Variants in HESX1 observed in about 807,000 individuals in gnomAD.
The protein encoded by HESX1 is homeobox expressed in ES cells 1.
In HESX1, 11 loss-of-function variants were observed where a neutral mutation model predicts 22.5. The ratio of observed to expected loss-of-function variants is 0.49; its 90% confidence interval spans 0.31 to 0.81. The LOEUF (loss-of-function observed/expected upper bound fraction) is 0.81, where lower values mean the gene tolerates loss of function less well. HESX1 is among the 30% of genes least tolerant of loss of function. The pLI is 0.05. For synonymous variants in HESX1, 74 were observed against 76.5 expected (o/e 0.97, Z 0.17); for missense variants, 201 against 212.6 (o/e 0.95, Z 0.34).
chr3:57,203,679 C>T (rs534612219), upstream of HESX1, among the ~76,000 whole-genome samples: 42 of 152,180 alleles, frequency 2.8e-4, no homozygotes, highest in Middle Eastern at 0.02. Flanking sequence ...TTCAGCCTCC[C>T]GAGTAGCTGG....
chr3:57,202,968 G>A (rs1236669266), upstream of HESX1, among the ~76,000 whole-genome samples: 1 of 152,166 alleles, frequency 6.6e-6, no homozygotes, highest in Non-Finnish European at 1.5e-5. Context: ...GAGGAAGAAG[G>A]CAGTAGTTGG....
At chr3:57,214,493 A>T (rs750096677) in intron 1 of HESX1, among the ~76,000 whole-genome samples, 7 of 152,234 alleles carry the variant, frequency 4.6e-5, no homozygotes, top group Non-Finnish European at 8.8e-5. Flanking sequence ...TCTAAATTCC[A>T]GCTCTTCTTA....
intron 1 of HESX1, among the ~76,000 whole-genome samples, chr3:57,215,790 A>AAAC (rs2060579824): frequency 6.6e-6 from 1 of 152,124 alleles, no homozygotes; most frequent in South Asian, 2.1e-4. Flanking sequence ...ACAAACAAAC[A>AAAC]AAAAAACCAC....
chr3:57,216,706 CATT>C (rs1241319643), intron 1 of HESX1, among the ~76,000 whole-genome samples: 1 of 152,164 alleles, frequency 6.6e-6, no homozygotes, highest in Non-Finnish European at 1.5e-5. Context: ...GCTGTGTTCT[CATT>C]ATTTCCAATC....
intron 1 of HESX1, among the ~76,000 whole-genome samples, chr3:57,224,470 G>A (rs191600138): frequency 1.1e-3 from 165 of 152,116 alleles, no homozygotes; most frequent in African/African-American, 3.9e-3. Flanking sequence ...AATACAAAGT[G>A]ATTTAGGAAA....
At position 57,198,149 on chromosome 3, in the gene HESX1, C is replaced by A. The variant is rs372550682; in HGVS notation, c.*48G>T. ...TTAACACTTAATATTTCCACTGATTCTTCATGCTCTGCAATTAGAAGATAA... is the reference window on the plus strand; with the variant it reads ...TTAACACTTAATATTTCCACTGATTATTCATGCTCTGCAATTAGAAGATAA... On this transcript the variant is annotated 3_prime_UTR_variant, in exon 4 of 4. Transcript: ENST00000295934. 8.8e-7 allele frequency: 1 copy of A among 1,139,388 alleles called. No homozygotes were observed. The highest frequency in any genetic ancestry group is 1.3e-6 in the Non-Finnish European group (1 of 750,636). 70.6% of individuals were successfully genotyped at this position (1,139,388 alleles called of 1,614,324 possible).
At chr3:57,213,214 A>G (rs1273017045) in intron 1 of HESX1, among the ~76,000 whole-genome samples, 3 of 152,200 alleles carry the variant, frequency 2.0e-5, no homozygotes, top group Non-Finnish European at 4.4e-5. Flanking sequence ...TTTGGCAATG[A>G]ACATCCTCTA....
At chr3:57,200,681 CAT>C (rs1176492008), upstream of HESX1, among the ~76,000 whole-genome samples, 1 of 152,254 alleles carries the variant, frequency 6.6e-6, no homozygotes, top group Non-Finnish European at 1.5e-5. Context: ...GAGAGAGATA[CAT>C]GTTTATATGA....
At chr3:57,227,465 C>A (rs565124633), upstream of HESX1, among the ~76,000 whole-genome samples, 1 of 152,232 alleles carries the variant, frequency 6.6e-6, no homozygotes, top group Non-Finnish European at 1.5e-5. Flanking sequence ...CCCCGTGTGG[C>A]CCTAACTCGA....
At chr3:57,202,121 G>A (rs1281791810), upstream of HESX1, among the ~76,000 whole-genome samples, 10 of 151,638 alleles carry the variant, frequency 6.6e-5, no homozygotes, top group Admixed American at 5.3e-4. Context: ...AAGTTTCACC[G>A]TGTTAGCCAG....
At chr3:57,218,946 C>T (rs2060599612) in intron 1 of HESX1, among the ~76,000 whole-genome samples, 1 of 152,098 alleles carries the variant, frequency 6.6e-6, no homozygotes. Context: ...AATATGATTG[C>T]TGGGTTGAAT....
intron 1 of HESX1, among the ~76,000 whole-genome samples, chr3:57,207,279 A>G (rs537736005): frequency 2.6e-5 from 4 of 152,308 alleles, no homozygotes; most frequent in South Asian, 2.1e-4. Flanking sequence ...AAGGTTAACA[A>G]TGACATTTCC....
chr3:57,198,212 T>A lies in HESX1; in HGVS notation c.543A>T (p.Thr181=). 2 of 1,604,684 alleles carry A rather than the reference T, an allele frequency of 1.2e-6. No homozygotes were observed. The highest frequency in any genetic ancestry group is 1.7e-6 in the Non-Finnish European group (2 of 1,171,720). The change falls in exon 4 of 4, where the codon ACA becomes ACT. Residue 181 remains threonine (T), a synonymous_variant. Coordinates refer to ENST00000295934, the MANE Select transcript of HESX1 (RefSeq NM_003865.3). Reference sequence around the variant, plus strand: ...AGTTTTCTATCTATTCCAGCAGATTTGTGTTGAAATTTTTTTTCGCCATTA... The same window carrying A: ...AGTTTTCTATCTATTCCAGCAGATTAGTGTTGAAATTTTTTTTCGCCATTA... ...QFLMAKKNFN[T]NLLE is the part of the protein sequence containing the mutation.
At chr3:57,219,479 T>A (rs2060602479) in intron 1 of HESX1, among the ~76,000 whole-genome samples, 1 of 152,100 alleles carries the variant, frequency 6.6e-6, no homozygotes, top group African/African-American at 2.4e-5. Context: ...GCCATTCTCC[T>A]GCCTCAGCCT....
At chr3:57,200,809 T>C (rs775519243), upstream of HESX1, among the ~76,000 whole-genome samples, 1 of 152,216 alleles carries the variant, frequency 6.6e-6, no homozygotes, top group Non-Finnish European at 1.5e-5. Flanking sequence ...AAAGAAAAAT[T>C]TCCGTCTGTT....
rs193254925 is a variant in HESX1, at chr3:57,208,759, G to A, written c.-110-8731C>T. 4.7e-5 allele frequency among the ~76,000 whole-genome samples: 7 copies of A among 149,350 alleles called. No individual in the cohort carries two copies. The South Asian group carries it at 1.3e-3, about 28-fold the overall frequency. ...GCGGATCACTTGAGGTCAGGAGTTC[G>A]AGACCAGCCTGGCCAACACGGTGAA... On this transcript the variant is annotated intron_variant, in intron 1 of 2. Transcript: ENST00000495160.
At chr3:57,209,626 G>A (rs2060540975) in intron 1 of HESX1, among the ~76,000 whole-genome samples, 1 of 135,462 alleles carries the variant, frequency 7.4e-6, no homozygotes, top group Admixed American at 8.5e-5. Flanking sequence ...AACAGAGCGA[G>A]ACTCCATCTC....
intron 1 of HESX1, among the ~76,000 whole-genome samples, chr3:57,213,213 G>A (rs1440033154): frequency 6.6e-6 from 1 of 152,138 alleles, no homozygotes; most frequent in East Asian, 1.9e-4. Flanking sequence ...TTTTGGCAAT[G>A]AACATCCTCT....
chr3:57,207,377 T>G, intron 1 of HESX1, among the ~76,000 whole-genome samples: 1 of 152,206 alleles, frequency 6.6e-6, no homozygotes, highest in Admixed American at 6.5e-5. Context: ...CAGGCCCAGC[T>G]ATTAAAAGGT....
Sources: gnomAD v4.1 joint callset for allele counts (sites outside exome capture counted in the v4.1 genomes callset) on GRCh38, gnomAD v4.1.1 for gene constraint, MANE v1.5 for transcripts, NCBI Gene and HGNC (gene_info 2026-07-23, HGNC 2026-07-21) for gene names.